PLIN3: variants seen among roughly 807,000 people sequenced by gnomAD.
The protein encoded by PLIN3 is perilipin-3.
A neutral mutation model predicts 35.9 loss-of-function variants in PLIN3; 30 were observed. That is an observed-to-expected ratio of 0.84 (90% confidence interval 0.62 to 1.13). PLIN3 has a LOEUF of 1.13. Among genes scored for constraint, PLIN3 ranks in the 50% most tolerant of loss-of-function variants. The pLI is 0.00. For missense variants in PLIN3, 603 were observed against 596.9 expected, an observed-to-expected ratio of 1.01 and a Z score of -0.11; for synonymous variants, 261 against 262.5, an observed-to-expected ratio of 0.99 and a Z score of 0.06.
intron 1 of PLIN3, among the ~76,000 whole-genome samples, chr19:4,866,168 C>A (rs1022330936): frequency 2.6e-5 from 4 of 152,012 alleles, no homozygotes; most frequent in African/African-American, 9.7e-5. Context: ...CAGGTGCCCG[C>A]CACCACGTCC....
At chr19:4,855,744 A>G (rs1014346191) in intron 4 of PLIN3, among the ~76,000 whole-genome samples, 2 of 151,864 alleles carry the variant, frequency 1.3e-5, no homozygotes, top group African/African-American at 2.4e-5. Context: ...GCAATATAGC[A>G]AGACCCCATT....
At chr19:4,846,104 G>A (rs1261255158) in intron 6 of PLIN3, among the ~76,000 whole-genome samples, 1 of 151,716 alleles carries the variant, frequency 6.6e-6, no homozygotes, top group Non-Finnish European at 1.5e-5. Context: ...GCCGGCGCCT[G>A]TAGTCCCAGC....
chr19:4,851,965 G>A lies in PLIN3; in HGVS notation c.634+51C>T, dbSNP rs377184707. The A allele has an allele frequency of 1.3e-4, 206 of 1,569,622 alleles. 3 individuals are homozygous for A. In the East Asian group the frequency reaches 2.9e-3, roughly 22 times the overall value. ...CCCCAGGAGGCCGACAGCGGCTTCC[G>A]GTCAGGGGGCCTGGGGAGGGGTCCC... On this transcript the variant is annotated intron_variant, in intron 5 of 7. Coordinates refer to ENST00000221957, the MANE Select transcript of PLIN3 (RefSeq NM_005817.5).
chr19:4,853,532 C>T (rs2030373910), intron 4 of PLIN3, among the ~76,000 whole-genome samples: 1 of 151,834 alleles, frequency 6.6e-6, no homozygotes, highest in African/African-American at 2.4e-5. Context: ...ACCATGTTGG[C>T]CAGGCTGGTC....
At chr19:4,847,224 C>T (rs1184585457) in intron 6 of PLIN3, among the ~76,000 whole-genome samples, 3 of 148,202 alleles carry the variant, frequency 2.0e-5, no homozygotes, top group Admixed American at 1.4e-4. Context: ...GGGTCTTGCT[C>T]TGTTGACTAG....
intron 4 of PLIN3, among the ~76,000 whole-genome samples, chr19:4,855,517 C>T (rs1264578972): frequency 6.6e-6 from 1 of 152,084 alleles, no homozygotes; most frequent in Non-Finnish European, 1.5e-5. Flanking sequence ...CATGGCTGGG[C>T]ATAGTGGCTC....
intron 4 of PLIN3, among the ~76,000 whole-genome samples, chr19:4,857,002 G>A (rs1482202705): frequency 2.0e-5 from 3 of 152,064 alleles, no homozygotes; most frequent in Non-Finnish European, 2.9e-5. Context: ...ACCACGCCTG[G>A]TCTGTGCCTC....
rs535243846 is a variant in PLIN3 at position 4,867,666 on chromosome 19, C to T, written c.-75G>A. 1.3e-5 allele frequency: 2 copies of T among 152,230 alleles called. No individual in the cohort carries two copies. Among genetic ancestry groups the T allele is most frequent in the South Asian group, 2.1e-4 (1 of 4,830 alleles). The allele number at this position is 152,230 out of a possible 1,614,324, so 9.4% of individuals were successfully genotyped here. Reference sequence around the variant, plus strand: ...CGCGACTTCAAAACCAGCTTGGAAACCGTCCGGGCCGAGGCGGGGGTGGCT... The same window carrying T: ...CGCGACTTCAAAACCAGCTTGGAAATCGTCCGGGCCGAGGCGGGGGTGGCT... On this transcript the variant is annotated 5_prime_UTR_variant, in exon 1 of 8. Coordinates refer to ENST00000221957, the MANE Select transcript of PLIN3 (RefSeq NM_005817.5).
intron 7 of PLIN3, among the ~76,000 whole-genome samples, chr19:4,842,224 C>A (rs1329945952): frequency 6.6e-6 from 1 of 151,830 alleles, no homozygotes; most frequent in Non-Finnish European, 1.5e-5. Flanking sequence ...GTTAGGAGTT[C>A]TAGACCAGCC....
In PLIN3 at chr19:4,847,891, C is replaced by T. The variant is rs1201317709; in HGVS notation, c.635-1G>A. The T allele has an allele frequency of 6.2e-7, 1 of 1,612,140 alleles. No individual in the cohort carries two copies. The highest frequency in any genetic ancestry group is 2.2e-5 in the East Asian group (1 of 44,816). The stretch of plus-strand genomic sequence containing the variant: ...CCATCCAGGGATGTGGCGATGCGGG[C>T]TGCAAGGAAAAGGAGAAGGGTCTCT... On this transcript the variant is annotated splice_acceptor_variant, in intron 5 of 7. Coordinates refer to ENST00000221957, the MANE Select transcript of PLIN3 (RefSeq NM_005817.5). LOFTEE classifies it high-confidence loss of function.
rs1377261327 is a variant in PLIN3 at position 4,859,847 on chromosome 19, G to T, written c.244C>A (p.Leu82Ile). ...AAAVSGAQPI[L>I]SKLEPQIASA... ...CCACTCTGGGGCTCCAGCTTGGAGA[G>T]GATCGGCTGAGCCCCGCTGACAGCA... The change falls in exon 3 of 8, where the codon CTC becomes ATC. Residue 82 changes from leucine to isoleucine, a missense_variant. Leu to Ile is a conservative substitution (Grantham distance 5). Coordinates refer to ENST00000221957, the MANE Select transcript of PLIN3 (RefSeq NM_005817.5). 6.2e-7 allele frequency: 1 copy of T among 1,613,056 alleles called. No homozygotes were observed. The highest frequency in any genetic ancestry group is 1.3e-5 in the African/African-American group (1 of 74,912).
intron 1 of PLIN3, among the ~76,000 whole-genome samples, chr19:4,862,689 G>A (rs1223897242): frequency 1.3e-5 from 2 of 152,148 alleles, no homozygotes; most frequent in Non-Finnish European, 2.9e-5. Flanking sequence ...AACCTCTGTA[G>A]AGGACAATTT....
intron 7 of PLIN3, among the ~76,000 whole-genome samples, chr19:4,842,589 G>C (rs1300622432): frequency 9.4e-6 from 1 of 106,176 alleles, no homozygotes; most frequent in Non-Finnish European, 1.8e-5. Context: ...GACAGAGTGA[G>C]ACTCTATCTC....
intron 2 of PLIN3, 103 bp from the exon 3 acceptor site, chr19:4,860,127 A>C: frequency 1.0e-6 from 1 of 972,170 alleles, no homozygotes; most frequent in Non-Finnish European, 1.6e-6. Flanking sequence ...CTGGCCAGTG[A>C]AACGGCTCAG....
At chr19:4,842,599 C>CAAAAAAAAAA (rs11383489) in intron 7 of PLIN3, among the ~76,000 whole-genome samples, 1 of 46,908 alleles carries the variant, frequency 2.1e-5, no homozygotes, top group Non-Finnish European at 3.6e-5. Context: ...GACTCTATCT[C>CAAAAAAAAAA]AAAAAAAAAA....
At chr19:4,843,297 C>G (rs148241552) in intron 7 of PLIN3, among the ~76,000 whole-genome samples, 1,556 of 151,878 alleles carry the variant, frequency 0.01, 29 homozygotes, top group African/African-American at 0.035. Context: ...ACAAGGTCAG[C>G]AGATCAAGAC....
intron 4 of PLIN3, among the ~76,000 whole-genome samples, chr19:4,858,001 A>G (rs537216753): frequency 2.7e-5 from 4 of 149,782 alleles, no homozygotes; most frequent in Admixed American, 1.3e-4. Flanking sequence ...GGGGCCGGGC[A>G]CAGTGGCTCA....
chr19:4,839,843 T>C (rs1226594390), intron 7 of PLIN3, among the ~76,000 whole-genome samples: 1 of 150,874 alleles, frequency 6.6e-6, no homozygotes, highest in Non-Finnish European at 1.5e-5. Context: ...TTTTTTGTAT[T>C]TTTAGTAGAG....
At chr19:4,847,606 G>A (rs1055217987) in intron 6 of PLIN3, 85 bp downstream of exon 6, 3 of 1,147,386 alleles carry the variant, frequency 2.6e-6, no homozygotes, top group East Asian at 2.6e-5. Context: ...GCAGAGGGGT[G>A]AGCAATAAGC....
Sources: allele counts gnomAD v4.1 joint callset (sites outside exome capture counted in the v4.1 genomes callset), GRCh38; gene constraint gnomAD v4.1.1; transcripts MANE v1.5; gene names NCBI Gene and HGNC (gene_info 2026-07-23, HGNC 2026-07-21).